Variants in DHRSX observed in about 807,000 individuals in gnomAD.
DHRSX encodes polyprenol dehydrogenase.
DHRSX carries 31 observed loss-of-function variants against 34.0 expected under a neutral mutation model. That is an observed-to-expected ratio of 0.91 (90% CI 0.69 to 1.23). The LOEUF is 1.23. DHRSX is among the 50% of genes most tolerant of loss of function. The pLI is 0.00. For missense variants in DHRSX, 414 were observed against 428.1 expected, an observed-to-expected ratio of 0.97 and a Z score of 0.29; for synonymous variants, 201 against 183.8, an observed-to-expected ratio of 1.09 and a Z score of -0.76.
At chrX:2,380,684 C>T (rs7060014) in intron 3 of DHRSX, among the ~76,000 whole-genome samples, 109,332 of 151,806 alleles carry the variant, frequency 0.72, 39,562 homozygotes, top group East Asian at 0.78. Flanking sequence ...CGAGGTCTGA[C>T]AGTTTAGAAG....
intron 3 of DHRSX, among the ~76,000 whole-genome samples, chrX:2,302,711 GCTGT>G (rs2042028182): frequency 6.6e-6 from 1 of 152,120 alleles, no homozygotes; most frequent in Non-Finnish European, 1.5e-5. Flanking sequence ...GTTACTGCAA[GCTGT>G]CTGTGGTGAG....
chrX:2,229,605 G>A (rs2015818479), intron 6 of DHRSX, among the ~76,000 whole-genome samples: 1 of 152,044 alleles, frequency 6.6e-6, no homozygotes, highest in Admixed American at 6.6e-5. Flanking sequence ...CATTTATGTG[G>A]ATGTGTGTGT....
chrX:2,308,756 A>G (rs1602915563), intron 3 of DHRSX, among the ~76,000 whole-genome samples: 1 of 149,634 alleles, frequency 6.7e-6, no homozygotes, highest in South Asian at 2.2e-4. Context: ...GGGAAGGAGG[A>G]AAGGATGGGT....
chrX:2,422,248 A>G (rs1462402433), intron 2 of DHRSX, among the ~76,000 whole-genome samples: 2 of 152,172 alleles, frequency 1.3e-5, no homozygotes, highest in African/African-American at 4.8e-5. Flanking sequence ...AAGTCAATCA[A>G]TAATGGGCAT....
chrX:2,495,610 G>A (rs1569349824), intron 1 of DHRSX, among the ~76,000 whole-genome samples: 3 of 151,976 alleles, frequency 2.0e-5, no homozygotes, highest in Non-Finnish European at 2.9e-5. Flanking sequence ...CTGAACCCAC[G>A]TAACAGCCAC....
intron 3 of DHRSX, among the ~76,000 whole-genome samples, chrX:2,326,366 T>C (rs2042386084): frequency 6.6e-6 from 1 of 151,876 alleles, no homozygotes; most frequent in South Asian, 2.1e-4. Flanking sequence ...CTACTAAAAA[T>C]ACAAAAATTA....
At chrX:2,449,863 A>T (rs995754241) in intron 1 of DHRSX, among the ~76,000 whole-genome samples, 1 of 152,006 alleles carries the variant, frequency 6.6e-6, no homozygotes, top group Non-Finnish European at 1.5e-5. Flanking sequence ...GCTGGTCTCA[A>T]TCTCCTGTAC....
intron 1 of DHRSX, among the ~76,000 whole-genome samples, chrX:2,483,385 T>C (rs1386486598): frequency 6.6e-6 from 1 of 152,108 alleles, no homozygotes; most frequent in Admixed American, 6.6e-5. Context: ...CACCTTCGCC[T>C]CCTGAGTAGC....
intron 2 of DHRSX, among the ~76,000 whole-genome samples, chrX:2,410,451 C>T (rs1185694032): frequency 6.6e-6 from 1 of 152,188 alleles, no homozygotes; most frequent in African/African-American, 2.4e-5. Flanking sequence ...CTGCACCCAG[C>T]CCGGGCCAGT....
chrX:2,224,258 C>A (rs114838791), intron 6 of DHRSX, among the ~76,000 whole-genome samples: 1 of 148,170 alleles, frequency 6.7e-6, no homozygotes, highest in Admixed American at 6.7e-5. Context: ...CAGCTTAGGC[C>A]GCTCCTGGGT....
intron 1 of DHRSX, among the ~76,000 whole-genome samples, chrX:2,479,497 ACGCACTGAAGACATTCCGT>A: frequency 6.6e-6 from 1 of 151,774 alleles, no homozygotes; most frequent in African/African-American, 2.4e-5. Flanking sequence ...ACCACCGTGT[ACGCACTGAAGACATTCCGT>A]AAGAATGCGA....
At chrX:2,226,132 C>T (rs1369249317) in intron 6 of DHRSX, among the ~76,000 whole-genome samples, 6 of 152,124 alleles carry the variant, frequency 3.9e-5, no homozygotes, top group Non-Finnish European at 8.8e-5. Context: ...AGGCTGGCAA[C>T]CCCGGCAGAT....
intron 1 of DHRSX, among the ~76,000 whole-genome samples, chrX:2,475,878 C>T (rs1281524055): frequency 6.6e-6 from 1 of 152,126 alleles, no homozygotes; most frequent in Non-Finnish European, 1.5e-5. Context: ...AGGAGAGCCA[C>T]GGAAAGAATG....
chrX:2,393,510 C>T (rs1220528667), intron 3 of DHRSX, among the ~76,000 whole-genome samples: 1 of 126,364 alleles, frequency 7.9e-6, no homozygotes, highest in Non-Finnish European at 1.9e-5. Flanking sequence ...CAGGGACCTC[C>T]CCGTCTCCTC....
intron 3 of DHRSX, among the ~76,000 whole-genome samples, chrX:2,319,542 C>CAAAAAAAAAA: frequency 9.3e-6 from 1 of 107,344 alleles, no homozygotes; most frequent in African/African-American, 3.6e-5. Context: ...GACTCCATCT[C>CAAAAAAAAAA]AAAAAAAAAA....
chrX:2,264,180 GGCAGAT>G (rs2041404804), intron 5 of DHRSX, among the ~76,000 whole-genome samples: 1 of 151,840 alleles, frequency 6.6e-6, no homozygotes, highest in Non-Finnish European at 1.5e-5. Flanking sequence ...ACCTGTGCCC[GGCAGAT>G]GCAGGCAGCA....
chrX:2,488,778 A>C (rs1238028540), intron 1 of DHRSX: 1 of 1,613,752 alleles, frequency 6.2e-7, no homozygotes, highest in East Asian at 2.2e-5. Context: ...GCGTTCTCAT[A>C]CAGAAACACC....
chrX:2,446,628 C>G (rs2044140223), intron 1 of DHRSX, among the ~76,000 whole-genome samples: 1 of 151,514 alleles, frequency 6.6e-6, no homozygotes, highest in Non-Finnish European at 1.5e-5. Context: ...TAAGCATGGG[C>G]TAAGGGACGG....
At chrX:2,304,130 T>C (rs1213755561) in intron 3 of DHRSX, among the ~76,000 whole-genome samples, 27 of 145,196 alleles carry the variant, frequency 1.9e-4, no homozygotes, top group African/African-American at 6.7e-4. Context: ...GATAAATGGA[T>C]GGATGGATGA....
Sources: gnomAD v4.1 joint callset for allele counts (sites outside exome capture counted in the v4.1 genomes callset) on GRCh38, gnomAD v4.1.1 for gene constraint, MANE v1.5 for transcripts, NCBI Gene and HGNC (gene_info 2026-07-23, HGNC 2026-07-21) for gene names.